Variants in MAGEB3 observed in about 807,000 individuals in gnomAD.
MAGEB3 encodes MAGE family member B3, also known as melanoma-associated antigen B3.
For missense variants in MAGEB3, 191 were observed against 262.4 expected (o/e 0.73, Z 1.88); for synonymous variants, 91 against 93.0 (o/e 0.98, Z 0.12).
chrX:30,236,240 T>C lies in MAGEB3; in HGVS notation c.316T>C (p.Ser106Pro), dbSNP rs139231962. ...FSQGLSSTVQ[S>P]RTDPLIMKTN... Reference sequence around the variant, plus strand: ...TCAGGGTCTATCCTCCACTGTGCAGTCTCGCACAGACCCTCTAATCATGAA... The same window carrying C: ...TCAGGGTCTATCCTCCACTGTGCAGCCTCGCACAGACCCTCTAATCATGAA... Residue 106 changes from serine (S) to proline (P), a missense_variant, in exon 5 of 5, where the codon TCT becomes CCT. By Grantham distance (74) the Ser-to-Pro change is moderately conservative. Coordinates refer to ENST00000361644, the MANE Select transcript of MAGEB3 (RefSeq NM_002365.5). 3.5e-4 allele frequency: 422 copies of C among 1,206,059 alleles called. 1 individual carries two copies. In the African/African-American group the frequency reaches 6.4e-3, roughly 18 times the overall value.
intron 4 of MAGEB3, among the ~76,000 whole-genome samples, chrX:30,233,894 C>T (rs1031931087): frequency 8.1e-5 from 9 of 111,449 alleles, no homozygotes; most frequent in Non-Finnish European, 1.7e-4. Context: ...GGGTCTTTCA[C>T]TAAGGGAGCA....
Position 30,237,038 on chromosome X carries a change from G to A in MAGEB3, c.*73G>A. 1 of 744,511 alleles carries A rather than the reference G, an allele frequency of 1.3e-6. No individual in the cohort carries two copies. The highest frequency in any genetic ancestry group is 4.1e-4 in the Middle Eastern group (1 of 2,438). The allele number at this position is 744,511 out of a possible 1,213,427, so 61.4% of individuals were successfully genotyped here. A position where few individuals can be genotyped will look rare whatever the true frequency, so the allele number is the denominator to read the frequency against. ...TGTTCCAAGGAGTGAAGGACTGGGTGTTACTGGAGGGAACACACTGTATAA... is the reference window on the plus strand; with the variant it reads ...TGTTCCAAGGAGTGAAGGACTGGGTATTACTGGAGGGAACACACTGTATAA... On this transcript the variant is annotated 3_prime_UTR_variant, in exon 5 of 5. Transcript: ENST00000361644.
At chrX:30,231,673 T>G (rs1312195498) in intron 2 of MAGEB3, 55 bp downstream of exon 2, 3 of 14,424 alleles carry the variant, frequency 2.1e-4, no homozygotes, top group Non-Finnish European at 4.1e-4. Context: ...AGAGCCCCTG[T>G]CACAAAAAAA....
intron 1 of MAGEB3, among the ~76,000 whole-genome samples, chrX:30,231,146 T>C (rs1362432390): frequency 1.2e-5 from 1 of 85,058 alleles, no homozygotes; most frequent in African/African-American, 4.4e-5. Flanking sequence ...GGCGAAAACC[T>C]GTCTCTACAA....
Position 30,235,876 on chromosome X carries a change from C to G in MAGEB3, c.-49C>G. The G allele has an allele frequency of 9.9e-7, 1 of 1,009,014 alleles. No individual in the cohort carries two copies. The highest frequency in any genetic ancestry group is 1.4e-6 in the Non-Finnish European group (1 of 732,412). 83.2% of individuals were successfully genotyped at this position (1,009,014 alleles called of 1,213,427 possible). A position where few individuals can be genotyped will look rare whatever the true frequency, so the allele number is the denominator to read the frequency against. On this transcript the variant is annotated 5_prime_UTR_variant, in exon 5 of 5. Transcript: ENST00000361644. ...CTCTCTCCTCCAGGTGCCTGTATCA[C>G]CTGCCCTTCTGCTGACACTCCTGCC...
Position 30,236,347 on chromosome X carries a change from C to T in MAGEB3, c.423C>T (p.Val141=). 3 of 1,208,893 alleles carry T rather than the reference C, an allele frequency of 2.5e-6. No individual in the cohort carries two copies. Among genetic ancestry groups the T allele is most frequent in the Non-Finnish European group, 3.4e-6 (3 of 894,672 alleles). The part of the protein sequence containing the change: ...PIMKADMLKI[V]QKSHKNCFPE... Reference sequence around the variant, plus strand: ...TGAAAGCAGATATGCTAAAAATTGTCCAAAAAAGCCATAAGAATTGCTTCC... The same window carrying T: ...TGAAAGCAGATATGCTAAAAATTGTTCAAAAAAGCCATAAGAATTGCTTCC... Residue 141 remains valine, a synonymous_variant, in exon 5 of 5, where the codon GTC becomes GTT. Coordinates refer to ENST00000361644, the MANE Select transcript of MAGEB3 (RefSeq NM_002365.5).
At chrX:30,231,102 C>A (rs984288237) in intron 1 of MAGEB3, among the ~76,000 whole-genome samples, 1 of 107,112 alleles carries the variant, frequency 9.3e-6, no homozygotes, top group Non-Finnish European at 1.9e-5. Flanking sequence ...CTGTTTGGGC[C>A]CCCCCAGGAG....
rs1373994376 is a variant in MAGEB3, at chrX:30,235,390, A to G, written c.-61-474A>G. The stretch of plus-strand genomic sequence containing the variant: ...CAGGACTCCAATAAGCCCAGGAAAG[A>G]GTAGGACTCCACAATGCTGTTAGCA... On this transcript the variant is annotated intron_variant, in intron 4 of 4. Coordinates refer to ENST00000361644, the MANE Select transcript of MAGEB3 (RefSeq NM_002365.5). Among the ~76,000 whole-genome samples the G allele has an allele frequency of 2.7e-5, 3 of 111,459 alleles. No individual in the cohort carries two copies. In the East Asian group the frequency reaches 8.5e-4, roughly 32 times the overall value.
chrX:30,231,891 C>T (rs1379423359), intron 2 of MAGEB3, among the ~76,000 whole-genome samples: 4 of 108,689 alleles, frequency 3.7e-5, no homozygotes, highest in Non-Finnish European at 1.9e-5. Flanking sequence ...TGGCGGACTT[C>T]GCTCAGTAGA....
At chrX:30,233,420 A>T (rs1284963932) in intron 4 of MAGEB3, 57 bp downstream of exon 4, 1 of 65,675 alleles carries the variant, frequency 1.5e-5, no homozygotes, top group Non-Finnish European at 3.0e-5. Flanking sequence ...AGCCCCTGTC[A>T]CAAAAAAAAA....
At chrX:30,234,385 T>C (rs2147338039) in intron 4 of MAGEB3, among the ~76,000 whole-genome samples, 1 of 111,017 alleles carries the variant, frequency 9.0e-6, no homozygotes, top group South Asian at 3.9e-4. Flanking sequence ...CAGATAAGGC[T>C]CTTCCTCACT....
chrX:30,232,669 A>C (rs1364606224), intron 2 of MAGEB3, among the ~76,000 whole-genome samples, 158 bp from the exon 3 acceptor site: 2 of 106,248 alleles, frequency 1.9e-5, no homozygotes, highest in East Asian at 5.9e-4. Flanking sequence ...GCTATTCGGG[A>C]GGCGGAGGCA....
chrX:30,234,918 C>T (rs1924932874), intron 4 of MAGEB3, among the ~76,000 whole-genome samples: 1 of 111,493 alleles, frequency 9.0e-6, no homozygotes, highest in Non-Finnish European at 1.9e-5. Context: ...AGGTCAGAGA[C>T]CTGAGAGAAA....
chrX:30,231,100 G>A (rs1160424628), intron 1 of MAGEB3, among the ~76,000 whole-genome samples: 2 of 105,903 alleles, frequency 1.9e-5, no homozygotes, highest in Non-Finnish European at 3.9e-5. Context: ...AACTGTTTGG[G>A]CCCCCCCAGG....
chrX:30,236,337 T>TA lies in MAGEB3; in HGVS notation c.418dup (p.Ile140AsnfsTer7), dbSNP rs1203927332. 1 of 1,207,930 alleles carries TA rather than the reference T, an allele frequency of 8.3e-7. No homozygotes were observed. The highest frequency in any genetic ancestry group is 1.1e-6 in the Non-Finnish European group (1 of 894,716). On this transcript the variant is annotated frameshift_variant, in exon 5 of 5. Transcript: ENST00000361644. LOFTEE classifies it low-confidence loss of function (END_TRUNC). ...AAGCCCATTATGAAAGCAGATATGC[T>TA]AAAAATTGTCCAAAAAAGCCATAAG...
At position 30,236,041 on chromosome X, in the gene MAGEB3, C is replaced by T. The variant is rs1381423990; in HGVS notation, c.117C>T (p.Ser39=). 5.8e-6 allele frequency: 7 copies of T among 1,210,974 alleles called. No homozygotes were observed. The highest frequency in any genetic ancestry group is 2.3e-4 in the Middle Eastern group (1 of 4,351). The change falls in exon 5 of 5, where the codon TCC becomes TCT. Residue 39 remains serine (S), a synonymous_variant. Coordinates refer to ENST00000361644, the MANE Select transcript of MAGEB3 (RefSeq NM_002365.5). ...CTGCAACTAACAAGAAAAAAGTATC[C>T]TTTTCATCCCCTCTTATTTTGGGGG... The part of the protein sequence containing the change: ...QITATNKKKV[S]FSSPLILGAT...
chrX:30,234,792 T>C, intron 4 of MAGEB3, among the ~76,000 whole-genome samples: 1 of 111,314 alleles, frequency 9.0e-6, no homozygotes, highest in Middle Eastern at 4.6e-3. Flanking sequence ...TTTTGCAACC[T>C]CCAGGCAAAG....
In MAGEB3 at chrX:30,236,736, A is replaced by G. The variant is rs367655472; in HGVS notation, c.812A>G (p.Tyr271Cys). Residue 271 changes from tyrosine (Y) to cysteine (C), a missense_variant, in exon 5 of 5, where the codon TAT becomes TGT. Transcript: ENST00000361644. ...RQVPNSNPAR[Y>C]EFLWGPRAHA... is the part of the protein sequence containing the mutation. ...GTGCCCAACAGTAATCCTGCACGCT[A>G]TGAATTCCTGTGGGGTCCAAGAGCC... The G allele has an allele frequency of 1.7e-6, 2 of 1,210,760 alleles. No homozygotes were observed. The highest frequency in any genetic ancestry group is 1.7e-5 in the African/African-American group (1 of 57,426).
rs1425739020 is a variant in MAGEB3 at position 30,236,229 on chromosome X, C to G, written c.305C>G (p.Ser102Cys). The G allele has an allele frequency of 4.1e-6, 5 of 1,210,043 alleles. No homozygotes were observed. Among genetic ancestry groups the G allele is most frequent in the Non-Finnish European group, 5.6e-6 (5 of 894,288 alleles). ...CAAAGCTTCTCTCAGGGTCTATCCT[C>G]CACTGTGCAGTCTCGCACAGACCCT... is the stretch of plus-strand genomic sequence containing the variant. ...KKQSFSQGLS[S>C]TVQSRTDPLI... Residue 102 changes from serine (S) to cysteine (C), a missense_variant, in exon 5 of 5, where the codon TCC becomes TGC. By Grantham distance (112) the Ser-to-Cys change is moderately radical. Coordinates refer to ENST00000361644, the MANE Select transcript of MAGEB3 (RefSeq NM_002365.5).
Sources: gnomAD v4.1 joint callset for allele counts (sites outside exome capture counted in the v4.1 genomes callset) on GRCh38, gnomAD v4.1.1 for gene constraint, MANE v1.5 for transcripts, NCBI Gene and HGNC (gene_info 2026-07-23, HGNC 2026-07-21) for gene names.